The following CELF2 variants were observed in gnomAD, a reference collection of about 807,000 sequenced individuals.
CELF2 encodes CUGBP Elav-like family member 2.
Under a neutral mutation model 62.6 loss-of-function variants are expected in CELF2, and 8 were observed. That is an observed-to-expected ratio of 0.13 (90% confidence interval 0.07 to 0.23). CELF2 has a LOEUF of 0.23. CELF2 is among the 10% of genes least tolerant of loss of function. The probability of loss-of-function intolerance (pLI) is 1.00; values close to 1 mark genes in which losing one functional copy is unlikely to be tolerated. For synonymous variants in CELF2, 258 were observed against 250.0 expected, an observed-to-expected ratio of 1.03 and a Z score of -0.30; for missense variants, 333 against 671.0, an observed-to-expected ratio of 0.50 and a Z score of 5.56.
At chr10:10,598,751 CTT>C in the CELF2 span, among the ~76,000 whole-genome samples, 83 of 69,576 alleles carry the variant, frequency 1.2e-3, no homozygotes, top group African/African-American at 1.9e-3. Flanking sequence ...CTTTTTCTTT[CTT>C]TTTTTTTTTT....
chr10:11,148,064 A>G lies in CELF2; in HGVS notation c.75-17422A>G, dbSNP rs1157893149. Among the ~76,000 whole-genome samples the G allele has an allele frequency of 3.3e-5, 5 of 152,264 alleles. No homozygotes were observed. In the East Asian group the frequency reaches 9.6e-4, roughly 29 times the overall value. ...CGCTGCTTGTTTATTTGCATAAATGAACAGCCATGAAAGTGACCCCAGTCC... is the reference window on the plus strand; with the variant it reads ...CGCTGCTTGTTTATTTGCATAAATGGACAGCCATGAAAGTGACCCCAGTCC... On this transcript the variant is annotated intron_variant, in intron 1 of 12. Transcript: ENST00000633077.
the CELF2 span, among the ~76,000 whole-genome samples, chr10:10,749,470 A>T: frequency 6.6e-6 from 1 of 152,242 alleles, no homozygotes; most frequent in Admixed American, 6.5e-5. Flanking sequence ...ATGTCTACTA[A>T]GCATCAATGT....
At chr10:11,033,020 C>G (rs2060367957) in intron 1 of CELF2, among the ~76,000 whole-genome samples, 1 of 152,098 alleles carries the variant, frequency 6.6e-6, no homozygotes, top group Non-Finnish European at 1.5e-5. Context: ...GTTAAAATAA[C>G]TTTGGGGTCC....
the CELF2 span, among the ~76,000 whole-genome samples, chr10:10,495,516 G>A: frequency 3.3e-5 from 5 of 152,124 alleles, no homozygotes; most frequent in Non-Finnish European, 2.9e-5. Context: ...CCTCAAGGGT[G>A]CCTTAAACAT....
chr10:10,778,395 A>G, the CELF2 span, among the ~76,000 whole-genome samples: 3,204 of 152,316 alleles, frequency 0.021, 130 homozygotes, highest in African/African-American at 0.073. Context: ...ACTTTGGCAA[A>G]TTGATATGTT....
At chr10:10,661,047 A>T in the CELF2 span, among the ~76,000 whole-genome samples, 4 of 152,226 alleles carry the variant, frequency 2.6e-5, no homozygotes, top group African/African-American at 9.6e-5. Flanking sequence ...TTTAAAATTG[A>T]GGTATAATTT....
the CELF2 span, among the ~76,000 whole-genome samples, chr10:10,581,315 G>A: frequency 1.3e-5 from 2 of 152,156 alleles, no homozygotes; most frequent in African/African-American, 2.4e-5. Flanking sequence ...TTTGAGTCAA[G>A]GAGCAATCTA....
chr10:11,132,623 G>A (rs1478384282), intron 1 of CELF2, among the ~76,000 whole-genome samples: 1 of 152,156 alleles, frequency 6.6e-6, no homozygotes, highest in East Asian at 1.9e-4. Flanking sequence ...GAAAGTTACA[G>A]CTCATTCAAG....
chr10:10,834,245 T>G (rs758613510), intron 1 of CELF2, among the ~76,000 whole-genome samples: 1 of 151,882 alleles, frequency 6.6e-6, no homozygotes, highest in Non-Finnish European at 1.5e-5. Context: ...CACGTATAAG[T>G]GGGAGCTAAA....
At chr10:10,782,002 C>G in the CELF2 span, among the ~76,000 whole-genome samples, 12 of 152,010 alleles carry the variant, frequency 7.9e-5, no homozygotes, top group Admixed American at 1.3e-4. Flanking sequence ...ACATTTTATT[C>G]GGTATTTTAA....
chr10:10,463,347 G>C, the CELF2 span, among the ~76,000 whole-genome samples: 11 of 152,152 alleles, frequency 7.2e-5, no homozygotes, highest in African/African-American at 2.4e-4. Flanking sequence ...AAATTAGATA[G>C]TGTAAATTTT....
chr10:10,694,927 C>T, the CELF2 span, among the ~76,000 whole-genome samples: 1 of 150,946 alleles, frequency 6.6e-6, no homozygotes. Flanking sequence ...AGATGGGTTT[C>T]CTGAATACAG....
chr10:10,625,669 A>G, the CELF2 span, among the ~76,000 whole-genome samples: 2 of 152,184 alleles, frequency 1.3e-5, no homozygotes, highest in Non-Finnish European at 2.9e-5. Flanking sequence ...TTGTAGGGCC[A>G]GCTTCCTTCA....
chr10:10,491,165 G>A, the CELF2 span, among the ~76,000 whole-genome samples: 270 of 152,258 alleles, frequency 1.8e-3, no homozygotes, highest in Middle Eastern at 0.01. Context: ...TTGGCAAAGA[G>A]GTTTCCCTAG....
At chr10:10,780,635 C>T in the CELF2 span, among the ~76,000 whole-genome samples, 13 of 152,220 alleles carry the variant, frequency 8.5e-5, no homozygotes, top group East Asian at 5.8e-4. Context: ...CGCCTGCTAC[C>T]GTGCCCAGCT....
At chr10:11,005,287 A>AGAGG (rs2055024104), upstream of CELF2, 74 of 1,563,130 alleles carry the variant, frequency 4.7e-5, 1 homozygote, top group Non-Finnish European at 5.2e-5. This position sits in a 1 kb window ranked among gnomAD's most constrained non-coding sequence, Gnocchi z 4.3. Flanking sequence ...AGAGAGAGAG[A>AGAGG]GAGAGAGGGA....
Position 11,018,148 on chromosome 10 carries a change from T to C in CELF2, c.59T>C (p.Leu20Pro). The C allele has an allele frequency of 1.3e-6, 2 of 1,523,498 alleles. No homozygotes were observed. The highest frequency in any genetic ancestry group is 8.8e-7 in the Non-Finnish European group (1 of 1,133,234). The allele number at this position is 1,523,498 out of a possible 1,614,324, so 94.4% of individuals were successfully genotyped here. A position where few individuals can be genotyped will look rare whatever the true frequency, so the allele number is the denominator to read the frequency against. Reference sequence around the variant, plus strand: ...GACATGATGGTCGAGGGCCGCCTGCTCGTTCCTGACAGAATGTGAGTGGCG... The same window carrying C: ...GACATGATGGTCGAGGGCCGCCTGCCCGTTCCTGACAGAATGTGAGTGGCG... Reference protein sequence around the residue: ...LPDMMVEGRLLVPDRINGTAN... With the variant: ...LPDMMVEGRLPVPDRINGTAN... Residue 20 changes from leucine to proline, a missense_variant, in exon 1 of 13, where the codon CTC becomes CCC. By Grantham distance (98) the Leu-to-Pro change is moderately conservative. Around this residue, in one of 3 missense-constraint regions of CELF2, gnomAD observed 45 missense variants for 39.8 expected, o/e 1.13. Transcript: ENST00000633077.
chr10:10,665,622 G>C, the CELF2 span, among the ~76,000 whole-genome samples: 1 of 152,158 alleles, frequency 6.6e-6, no homozygotes, highest in Non-Finnish European at 1.5e-5. Context: ...AGTTAACAGA[G>C]TCCTAATATA....
intron 1 of CELF2, among the ~76,000 whole-genome samples, chr10:11,138,115 A>G (rs1033555588): frequency 1.3e-4 from 19 of 151,484 alleles, no homozygotes; most frequent in Non-Finnish European, 1.8e-4. Flanking sequence ...TTTCTAGCAC[A>G]TTAAAATAAA....
Sources: gnomAD v4.1 joint callset for allele counts (sites outside exome capture counted in the v4.1 genomes callset) on GRCh38, gnomAD v4.1.1 for gene constraint, gnomAD v4.1.1 regional missense constraint, Gnocchi (gnomAD v3.1) non-coding constraint, MANE v1.5 for transcripts, NCBI Gene and HGNC (gene_info 2026-07-23, HGNC 2026-07-21) for gene names.